Variants in GALNT13 observed in about 807,000 individuals in gnomAD.
The protein encoded by GALNT13 is UDP-GalNAc:polypeptide N-acetylgalactosaminyltransferase 13.
A neutral mutation model predicts 64.2 loss-of-function variants in GALNT13; 28 were observed. That is an observed-to-expected ratio of 0.44 (90% CI 0.32 to 0.60). The LOEUF (loss-of-function observed/expected upper bound fraction) is 0.60, where lower values mean the gene tolerates loss of function less well. Ranked by LOEUF, GALNT13 falls within the 20% of genes least tolerant of loss-of-function variation. The probability of loss-of-function intolerance (pLI) is 0.05; values close to 1 mark genes in which losing one functional copy is unlikely to be tolerated. For synonymous variants in GALNT13, 214 were observed against 224.6 expected (o/e 0.95, Z 0.42); for missense variants, 577 against 669.8 (o/e 0.86, Z 1.53).
At chr2:153,994,662 G>A (rs1695398012) in intron 3 of GALNT13, among the ~76,000 whole-genome samples, 1 of 152,146 alleles carries the variant, frequency 6.6e-6, no homozygotes, top group Non-Finnish European at 1.5e-5. Context: ...TTTCTCTGAT[G>A]GCCAGTGATG....
chr2:154,267,536 A>T (rs145840467), intron 8 of GALNT13, among the ~76,000 whole-genome samples: 4,958 of 152,246 alleles, frequency 0.033, 101 homozygotes, highest in East Asian at 0.099. Flanking sequence ...CCTACTTGGG[A>T]GGCTGAGGCA....
At chr2:154,294,746 A>G (rs1692819859) in intron 8 of GALNT13, among the ~76,000 whole-genome samples, 1 of 152,216 alleles carries the variant, frequency 6.6e-6, no homozygotes, top group African/African-American at 2.4e-5. Flanking sequence ...TGATTGGACA[A>G]AAATTAAGTG....
the GALNT13 span, among the ~76,000 whole-genome samples, chr2:153,409,167 C>A: frequency 2.6e-5 from 4 of 151,844 alleles, no homozygotes; most frequent in Non-Finnish European, 5.9e-5. Context: ...TGTTGGGACT[C>A]GGACTGAACC....
chr2:154,444,131 A>G (rs799826), intron 12 of GALNT13, among the ~76,000 whole-genome samples: 150,111 of 152,182 alleles, frequency 0.99, 74,068 homozygotes, highest in Middle Eastern at 1. Flanking sequence ...CTAGAGCCCA[A>G]GAGTTCAAGG....
the GALNT13 span, among the ~76,000 whole-genome samples, chr2:153,162,759 A>G: frequency 1.3e-5 from 2 of 152,240 alleles, no homozygotes; most frequent in Non-Finnish European, 2.9e-5. Context: ...GAAAATGTCA[A>G]ATGTAGTGAG....
the GALNT13 span, among the ~76,000 whole-genome samples, chr2:153,652,550 G>A: frequency 6.6e-6 from 1 of 152,084 alleles, no homozygotes; most frequent in Non-Finnish European, 1.5e-5. Flanking sequence ...AGGAGGCGGA[G>A]GTTGCAGTGA....
chr2:153,796,313 C>T, the GALNT13 span, among the ~76,000 whole-genome samples: 2 of 152,150 alleles, frequency 1.3e-5, no homozygotes, highest in Admixed American at 1.3e-4. Context: ...CATTTTCTCC[C>T]TAATGCAATG....
intron 3 of GALNT13, among the ~76,000 whole-genome samples, chr2:154,021,099 T>C (rs1190706198): frequency 1.3e-5 from 2 of 152,202 alleles, no homozygotes; most frequent in African/African-American, 2.4e-5. Context: ...TTTTGGTTAC[T>C]GTAGCCTTGT....
rs553290464 is a variant in GALNT13 at position 154,341,800 on chromosome 2, T to A, written c.1156+40211T>A. On this transcript the variant is annotated intron_variant, in intron 9 of 12. Coordinates refer to ENST00000392825, the MANE Select transcript of GALNT13 (RefSeq NM_052917.4). Reference sequence around the variant, plus strand: ...CTATGGAAAATAGACTGTAAATAGCTGAGGGTATAACATCAAGAGCAGTTG... The same window carrying A: ...CTATGGAAAATAGACTGTAAATAGCAGAGGGTATAACATCAAGAGCAGTTG... Among the ~76,000 whole-genome samples, 7 of 152,152 alleles carry A rather than the reference T, an allele frequency of 4.6e-5. No homozygotes were observed. The South Asian group carries it at 1.5e-3, about 32-fold the overall frequency.
the GALNT13 span, among the ~76,000 whole-genome samples, chr2:153,415,930 G>A: frequency 1.3e-5 from 2 of 152,216 alleles, no homozygotes; most frequent in South Asian, 2.1e-4. Context: ...AAAGAAAAAA[G>A]TTCTGCCATA....
the GALNT13 span, among the ~76,000 whole-genome samples, chr2:153,392,573 A>G: frequency 6.6e-6 from 1 of 152,114 alleles, no homozygotes. Context: ...GGAGACCCAG[A>G]GAAGAGTTTC....
At chr2:153,410,577 G>C in the GALNT13 span, among the ~76,000 whole-genome samples, 18 of 152,028 alleles carry the variant, frequency 1.2e-4, no homozygotes, top group African/African-American at 3.6e-4. Context: ...AAAGACATAG[G>C]AAACAAAATA....
intron 4 of GALNT13, among the ~76,000 whole-genome samples, chr2:154,143,608 G>T (rs1427366326): frequency 2.0e-5 from 3 of 151,236 alleles, no homozygotes. Flanking sequence ...TGTAATCCCA[G>T]CACTTTGGGT....
rs184854153 is a variant in GALNT13, at chr2:153,885,897, C to T, written c.-177+13594C>T. On this transcript the variant is annotated intron_variant, in intron 1 of 12. Transcript: ENST00000392825. ...CCCACAAAAAAATTTACTAACCTGCCGGTTGTTGCTGTGTATATGTTCATG... is the reference window on the plus strand; with the variant it reads ...CCCACAAAAAAATTTACTAACCTGCTGGTTGTTGCTGTGTATATGTTCATG... Among the ~76,000 whole-genome samples the T allele has an allele frequency of 2.3e-4, 35 of 152,086 alleles. No homozygotes were observed. The East Asian group carries it at 3.5e-3, about 15-fold the overall frequency.
chr2:153,565,863 C>T, the GALNT13 span, among the ~76,000 whole-genome samples: 1 of 151,698 alleles, frequency 6.6e-6, no homozygotes, highest in Non-Finnish European at 1.5e-5. Context: ...AATGAAAATT[C>T]CTCCCTCTGT....
At chr2:153,370,339 A>G in the GALNT13 span, among the ~76,000 whole-genome samples, 1 of 152,162 alleles carries the variant, frequency 6.6e-6, no homozygotes, top group African/African-American at 2.4e-5. Context: ...GCACTGTCCT[A>G]ATATTAAAAC....
At chr2:153,866,204 T>C in the GALNT13 span, among the ~76,000 whole-genome samples, 2 of 132,718 alleles carry the variant, frequency 1.5e-5, no homozygotes, top group African/African-American at 5.7e-5. Flanking sequence ...GAGATATACC[T>C]AATGCTAGAT....
the GALNT13 span, among the ~76,000 whole-genome samples, chr2:153,652,888 T>C: frequency 6.6e-6 from 1 of 152,102 alleles, no homozygotes; most frequent in African/African-American, 2.4e-5. Context: ...ATAGAAAATA[T>C]AAAAATGTTC....
chr2:153,756,841 C>A, the GALNT13 span, among the ~76,000 whole-genome samples: 1 of 151,958 alleles, frequency 6.6e-6, no homozygotes, highest in Non-Finnish European at 1.5e-5. Flanking sequence ...CTCCAGTTCT[C>A]TAGGCTTTTT....
Sources: allele counts gnomAD v4.1 joint callset (sites outside exome capture counted in the v4.1 genomes callset), GRCh38; gene constraint gnomAD v4.1.1; transcripts MANE v1.5; gene names NCBI Gene and HGNC (gene_info 2026-07-23, HGNC 2026-07-21).